CNTN5: variants seen among roughly 807,000 people sequenced by gnomAD.
The protein encoded by CNTN5 is contactin-5.
A neutral mutation model predicts 129.1 loss-of-function variants in CNTN5; 77 were observed. The observed-to-expected ratio is 0.60, with a 90% CI of 0.50 to 0.72. CNTN5 has a LOEUF of 0.72. Among genes scored for constraint, CNTN5 ranks in the 30% least tolerant of loss-of-function variants. The pLI, the probability that CNTN5 is intolerant of heterozygous loss-of-function variation, is 0.00. For synonymous variants in CNTN5, 509 were observed against 465.6 expected (o/e 1.09, Z -1.20); for missense variants, 1,478 against 1,328.8 (o/e 1.11, Z -1.75).
rs760577046 is a variant in CNTN5 at position 100,350,731 on chromosome 11, C to T, written c.3060C>T (p.Asn1020=). Residue 1020 remains asparagine, a synonymous_variant, in exon 24 of 25, where the codon AAC becomes AAT. Coordinates refer to ENST00000524871, the MANE Select transcript of CNTN5 (RefSeq NM_014361.4). ...TTTATAGGCAAGAGGGTCACAGCAACAGCCAAGTTATTGAAACACAGAAAC... is the reference window on the plus strand; with the variant it reads ...TTTATAGGCAAGAGGGTCACAGCAATAGCCAAGTTATTGAAACACAGAAAC... ...KVFYRQEGHS[N]SQVIETQKLQ... The T allele has an allele frequency of 1.9e-6, 3 of 1,608,052 alleles. No homozygotes were observed. The highest frequency in any genetic ancestry group is 3.3e-4 in the Middle Eastern group (2 of 6,036).
Position 99,749,575 on chromosome 11 carries a change from A to G in CNTN5, c.56-69969A>G, listed in dbSNP as rs77302275. ...GTGGCCCAGTCTTAGGATTTCAGATAAATTTCCCCTGGAATACTTTCAGTT... is the reference window on the plus strand; with the variant it reads ...GTGGCCCAGTCTTAGGATTTCAGATGAATTTCCCCTGGAATACTTTCAGTT... On this transcript the variant is annotated intron_variant, in intron 3 of 24. Transcript: ENST00000524871. Among the ~76,000 whole-genome samples the G allele has an allele frequency of 6.5e-3, 996 of 152,332 alleles. 18 individuals carry two copies. Among genetic ancestry groups the G allele is most frequent in the African/African-American group, 0.022 (935 of 41,566 alleles).
At chr11:99,501,456 C>T (rs1247868399) in intron 2 of CNTN5, among the ~76,000 whole-genome samples, 1 of 152,174 alleles carries the variant, frequency 6.6e-6, no homozygotes, top group African/African-American at 2.4e-5. Context: ...TCTGTGAGTC[C>T]TTTCCCAACT....
intron 6 of CNTN5, among the ~76,000 whole-genome samples, chr11:99,855,257 C>T (rs1217367341): frequency 6.6e-6 from 1 of 152,136 alleles, no homozygotes; most frequent in African/African-American, 2.4e-5. Flanking sequence ...GAGCTATGAT[C>T]ACTCTACTGC....
At chr11:100,161,817 C>A (rs1947455993) in intron 13 of CNTN5, among the ~76,000 whole-genome samples, 1 of 123,780 alleles carries the variant, frequency 8.1e-6, no homozygotes, top group South Asian at 2.7e-4. Flanking sequence ...TCAAGGATAG[C>A]CCTGGAGCTT....
At chr11:99,987,932 A>G (rs989352659) in intron 8 of CNTN5, among the ~76,000 whole-genome samples, 2 of 152,208 alleles carry the variant, frequency 1.3e-5, no homozygotes, top group Non-Finnish European at 2.9e-5. Flanking sequence ...TTACTTATAT[A>G]CATTTCACAA....
In CNTN5 at chr11:99,913,335, C is replaced by T. The variant is rs7950560; in HGVS notation, c.578-2719C>T. 5.0e-3 allele frequency among the ~76,000 whole-genome samples: 760 copies of T among 152,010 alleles called. 3 individuals carry two copies. The highest frequency in any genetic ancestry group is 0.017 in the African/African-American group (725 of 41,480). On this transcript the variant is annotated intron_variant, in intron 6 of 24. Transcript: ENST00000524871. ...TTGCTTGGTACAGGGACCACTTTTA[C>T]ATTGTAGATAATAATGTTTCACTTT...
intron 13 of CNTN5, among the ~76,000 whole-genome samples, chr11:100,109,808 G>A (rs1049940772): frequency 2.6e-5 from 4 of 152,166 alleles, no homozygotes; most frequent in Non-Finnish European, 5.9e-5. Context: ...ATGATGGAAT[G>A]TAAGGCATTC....
intron 3 of CNTN5, among the ~76,000 whole-genome samples, chr11:99,714,538 G>T (rs901347080): frequency 3.9e-5 from 6 of 151,924 alleles, no homozygotes; most frequent in Non-Finnish European, 7.4e-5. Context: ...CTTAGTTGCT[G>T]CCTTCCAAGG....
At chr11:100,088,947 G>C (rs1467441550) in intron 13 of CNTN5, among the ~76,000 whole-genome samples, 1 of 151,910 alleles carries the variant, frequency 6.6e-6, no homozygotes, top group Non-Finnish European at 1.5e-5. Context: ...GAAAGCTACA[G>C]GCCAATATCC....
intron 21 of CNTN5, chr11:100,309,764 C>A (rs1323994985): frequency 3.2e-6 from 3 of 944,356 alleles, no homozygotes; most frequent in Admixed American, 6.2e-5. Flanking sequence ...GGTGGTTTGT[C>A]CAGTTTCCCT....
chr11:99,653,325 C>A (rs946368565), intron 3 of CNTN5, among the ~76,000 whole-genome samples: 2 of 151,834 alleles, frequency 1.3e-5, no homozygotes, highest in Non-Finnish European at 2.9e-5. Flanking sequence ...TTTATCTCAT[C>A]TTTTTCCCCA....
chr11:99,439,725 AG>A (rs1215943120), intron 2 of CNTN5, among the ~76,000 whole-genome samples: 8 of 146,750 alleles, frequency 5.5e-5, no homozygotes, highest in Admixed American at 1.4e-4. Context: ...AAAAAAAAAA[AG>A]AAAAAGAAAA....
At chr11:100,074,357 C>A in intron 13 of CNTN5, 63 bp downstream of exon 13, 2 of 1,332,262 alleles carry the variant, frequency 1.5e-6, no homozygotes, top group Non-Finnish European at 2.1e-6. Flanking sequence ...AGGTGACACA[C>A]ACAAACTATG....
chr11:100,018,480 C>T (rs1360768121), intron 9 of CNTN5, among the ~76,000 whole-genome samples: 1 of 151,836 alleles, frequency 6.6e-6, no homozygotes, highest in Non-Finnish European at 1.5e-5. Context: ...AAGATTCATA[C>T]AAGTTGTTGA....
intron 3 of CNTN5, among the ~76,000 whole-genome samples, chr11:99,794,170 CCTT>C (rs1284561858): frequency 7.6e-6 from 1 of 131,456 alleles, no homozygotes; most frequent in African/African-American, 2.7e-5. Flanking sequence ...AAGGTAATGT[CCTT>C]CTTTGTCTTT....
intron 15 of CNTN5, among the ~76,000 whole-genome samples, chr11:100,207,372 C>T (rs914942615): frequency 2.0e-5 from 3 of 152,030 alleles, no homozygotes; most frequent in Admixed American, 2.0e-4. Context: ...TTTTGAATTA[C>T]CTTAAAATCA....
chr11:99,809,313 A>C (rs1005470350), intron 3 of CNTN5, among the ~76,000 whole-genome samples: 1 of 152,148 alleles, frequency 6.6e-6, no homozygotes, highest in East Asian at 1.9e-4. Context: ...TTGAAATTCC[A>C]TGATTATAAA....
rs12283112 is a variant in CNTN5 at position 100,153,096 on chromosome 11, G to A, written c.1581-38030G>A. Among the ~76,000 whole-genome samples the A allele has an allele frequency of 5.1e-3, 779 of 152,200 alleles. 7 individuals are homozygous for A. The highest frequency in any genetic ancestry group is 0.017 in the African/African-American group (720 of 41,540). On this transcript the variant is annotated intron_variant, in intron 13 of 24. Transcript: ENST00000524871. ...CCATTTGATTTATGAGAAACAATAA[G>A]GGGCTAGAGCAACTGAGCAAACATT... is the stretch of plus-strand genomic sequence containing the variant.
At chr11:99,750,621 A>G (rs886812814) in intron 3 of CNTN5, among the ~76,000 whole-genome samples, 7 of 152,156 alleles carry the variant, frequency 4.6e-5, no homozygotes, top group African/African-American at 1.7e-4. Flanking sequence ...TTTCCCAGGA[A>G]GACAGAGTAA....
Sources: gnomAD v4.1 joint callset for allele counts (sites outside exome capture counted in the v4.1 genomes callset) on GRCh38, gnomAD v4.1.1 for gene constraint, MANE v1.5 for transcripts, NCBI Gene and HGNC (gene_info 2026-07-23, HGNC 2026-07-21) for gene names.